Variants in TTC6 observed in about 807,000 individuals in gnomAD.
The protein encoded by TTC6 is tetratricopeptide repeat domain 6, also known as tetratricopeptide repeat protein 6.
TTC6 carries 172 observed loss-of-function variants against 210.4 expected under a neutral mutation model. The ratio of observed to expected loss-of-function variants is 0.82; its 90% CI spans 0.72 to 0.93. The LOEUF is 0.93. Ranked by LOEUF, TTC6 falls within the 40% of genes least tolerant of loss-of-function variation. TTC6 has a pLI of 0.00. For synonymous variants in TTC6, 804 were observed against 819.6 expected (o/e 0.98, Z 0.32); for missense variants, 2,414 against 2,318.1 (o/e 1.04, Z -0.85).
At chr14:37,624,750 T>A (rs1484448877) in intron 1 of TTC6, among the ~76,000 whole-genome samples, 2 of 151,994 alleles carry the variant, frequency 1.3e-5, no homozygotes, top group African/African-American at 2.4e-5. Flanking sequence ...GCCTCCCAAG[T>A]AGCTGGGACT....
Position 37,637,410 on chromosome 14 carries a change from A to T in TTC6, c.939+14407A>T, listed in dbSNP as rs529170936. 2.6e-4 allele frequency among the ~76,000 whole-genome samples: 40 copies of T among 152,332 alleles called. No homozygotes were observed. In the Middle Eastern group the frequency reaches 0.014, roughly 52 times the overall value. On this transcript the variant is annotated intron_variant, in intron 1 of 30. Coordinates refer to ENST00000553443, the Ensembl canonical transcript of TTC6. ...GGGAGGAAATATTTGCAAACCACAC[A>T]TTCAGTAAAGGACTGGTATCTTGAA... is the stretch of plus-strand genomic sequence containing the variant.
intron 29 of TTC6, among the ~76,000 whole-genome samples, chr14:37,838,528 C>T (rs931855436): frequency 1.3e-5 from 2 of 152,080 alleles, no homozygotes; most frequent in African/African-American, 4.8e-5. Context: ...CTGATATTTC[C>T]TCTCTCTTTT....
intron 14 of TTC6, among the ~76,000 whole-genome samples, chr14:37,770,617 G>T (rs1253941125): frequency 6.6e-6 from 1 of 151,884 alleles, no homozygotes; most frequent in South Asian, 2.1e-4. Context: ...CAGAGACTAG[G>T]ATTGCAACCC....
At chr14:37,670,810 T>C (rs757853304) in intron 1 of TTC6, among the ~76,000 whole-genome samples, 5 of 152,100 alleles carry the variant, frequency 3.3e-5, no homozygotes, top group Non-Finnish European at 7.3e-5. Flanking sequence ...AAGCAATATG[T>C]ATCTTTTAAA....
intron 1 of TTC6, among the ~76,000 whole-genome samples, chr14:37,631,556 A>G (rs1367589821): frequency 1.3e-5 from 2 of 151,936 alleles, no homozygotes; most frequent in African/African-American, 4.8e-5. Context: ...TTTTTCCTTC[A>G]TTTCAACCTT....
chr14:37,718,343 G>T (rs998262030), intron 6 of TTC6, among the ~76,000 whole-genome samples: 1 of 152,078 alleles, frequency 6.6e-6, no homozygotes, highest in Non-Finnish European at 1.5e-5. Context: ...TCAATGAAGA[G>T]AAAGCATTTG....
intron 1 of TTC6, among the ~76,000 whole-genome samples, chr14:37,678,428 T>C (rs1222534122): frequency 6.6e-6 from 1 of 152,154 alleles, no homozygotes; most frequent in Non-Finnish European, 1.5e-5. Context: ...CTCATGGGTT[T>C]CTCCATTGCA....
chr14:37,795,195 G>C (rs922749175), intron 17 of TTC6, 75 bp from the exon 20 acceptor site: 1 of 995,466 alleles, frequency 1.0e-6, no homozygotes, highest in Non-Finnish European at 1.5e-6. Flanking sequence ...CTGTAGAAAG[G>C]GTGGGAGAGG....
chr14:37,804,906 G>A (rs1437024402), intron 21 of TTC6, 92 bp downstream of exon 23: 1 of 1,436,866 alleles, frequency 7.0e-7, no homozygotes. Context: ...CCTATACAGT[G>A]GGCAACCGGT....
intron 2 of TTC6, among the ~76,000 whole-genome samples, chr14:37,611,632 C>A (rs1998124): frequency 0.65 from 98,804 of 151,852 alleles, 33,792 homozygotes; most frequent in African/African-American, 0.87. Context: ...GCACGACGCC[C>A]CACGGGGCTG....
Position 37,667,498 on chromosome 14 carries a change from C to G in TTC6, c.940-12653C>G, listed in dbSNP as rs186090514. On this transcript the variant is annotated intron_variant, in intron 1 of 30. Transcript: ENST00000553443. ...TGGGATGTTTTCCCAAGTAACTCTC[C>G]ATTACTCATGCAAATGAGATTTTGA... Among the ~76,000 whole-genome samples the G allele has an allele frequency of 2.7e-5, 4 of 150,618 alleles. No homozygotes were observed. In the East Asian group the frequency reaches 7.7e-4, roughly 29 times the overall value.
At chr14:37,620,552 G>A (rs184727784), upstream of TTC6, among the ~76,000 whole-genome samples, 23 of 152,176 alleles carry the variant, frequency 1.5e-4, no homozygotes, top group African/African-American at 5.3e-4. Flanking sequence ...ACCTGCCATC[G>A]GTTCCCTATT....
rs749698910 is a variant in TTC6, at chr14:37,827,248, TG to T, written c.5183del (p.Gly1728AlafsTer7). 7 of 1,613,160 alleles carry T rather than the reference TG, an allele frequency of 4.3e-6. No individual in the cohort carries two copies. Among genetic ancestry groups the T allele is most frequent in the Non-Finnish European group, 5.9e-6 (7 of 1,179,336 alleles). On this transcript the variant is annotated frameshift_variant, in exon 29 of 31. Coordinates refer to ENST00000553443, the Ensembl canonical transcript of TTC6. LOFTEE classifies it high-confidence loss of function. ...AATCGTGGGGTGATTCATGAGTTTA[TG>T]GGCCACAAACAGAATGCAATGAAAG...
At chr14:37,804,575 T>C (rs2096114074) in intron 20 of TTC6, 105 bp from the exon 23 acceptor site, 1 of 1,389,576 alleles carries the variant, frequency 7.2e-7, no homozygotes, top group Non-Finnish European at 9.8e-7. Context: ...AAAGTAAGAG[T>C]AGAGGTGTGT....
At chr14:37,806,049 A>C (rs1029006921) in intron 21 of TTC6, among the ~76,000 whole-genome samples, 3 of 152,170 alleles carry the variant, frequency 2.0e-5, no homozygotes, top group African/African-American at 2.4e-5. Flanking sequence ...ATGAAAAATA[A>C]ATGTGCTGGT....
At chr14:37,650,446 T>C (rs1214197225) in intron 1 of TTC6, among the ~76,000 whole-genome samples, 2 of 152,230 alleles carry the variant, frequency 1.3e-5, no homozygotes, top group Non-Finnish European at 2.9e-5. Flanking sequence ...CATCCTAATA[T>C]CTTATTCTAT....
intron 20 of TTC6, among the ~76,000 whole-genome samples, chr14:37,802,673 A>G (rs2096109554): frequency 6.6e-6 from 1 of 152,092 alleles, no homozygotes; most frequent in Non-Finnish European, 1.5e-5. Context: ...AGCGATAGAA[A>G]AACGAATGCA....
intron 1 of TTC6, among the ~76,000 whole-genome samples, chr14:37,662,688 T>C (rs569801307): frequency 2.6e-5 from 4 of 152,216 alleles, no homozygotes; most frequent in Non-Finnish European, 5.9e-5. Flanking sequence ...CGCTTCTTGT[T>C]GTTAGCTTTG....
intron 3 of TTC6, among the ~76,000 whole-genome samples, chr14:37,686,609 C>G (rs910449019): frequency 2.0e-5 from 3 of 152,176 alleles, no homozygotes; most frequent in African/African-American, 7.2e-5. Flanking sequence ...AATGGGCTCA[C>G]AGTTCCACAT....
Sources: gnomAD v4.1 joint callset for allele counts (sites outside exome capture counted in the v4.1 genomes callset) on GRCh38, gnomAD v4.1.1 for gene constraint, MANE v1.5 for transcripts, NCBI Gene and HGNC (gene_info 2026-07-23, HGNC 2026-07-21) for gene names.